The following C20orf96 variants were observed in gnomAD, a reference collection of about 807,000 sequenced individuals.
C20orf96 encodes the protein uncharacterized protein C20orf96.
Under a neutral mutation model 52.6 loss-of-function variants are expected in C20orf96, and 57 were observed. That is an observed-to-expected ratio of 1.08 (90% CI 0.88 to 1.35). The LOEUF (loss-of-function observed/expected upper bound fraction) is 1.35. Ranked by LOEUF, C20orf96 falls within the 40% of genes most tolerant of loss-of-function variation. The pLI is 0.00. For synonymous variants in C20orf96, 168 were observed against 157.2 expected (o/e 1.07, Z -0.51); for missense variants, 478 against 443.6 (o/e 1.08, Z -0.70).
intron 3 of C20orf96, among the ~76,000 whole-genome samples, chr20:285,109 T>C (rs1255153317): frequency 6.6e-6 from 1 of 152,196 alleles, no homozygotes; most frequent in African/African-American, 2.4e-5. Flanking sequence ...CTCTTACTTC[T>C]AGTGACCTGA....
chr20:278,287 G>A (rs6046494), intron 6 of C20orf96, 43 bp downstream of exon 6: 3 of 1,448,988 alleles, frequency 2.1e-6, no homozygotes, highest in African/African-American at 1.4e-5. Context: ...ACCTCCCCAA[G>A]GTGCCAGGGG....
At chr20:273,020 G>C (rs1690993931) in intron 10 of C20orf96, among the ~76,000 whole-genome samples, 1 of 152,156 alleles carries the variant, frequency 6.6e-6, no homozygotes, top group Admixed American at 6.5e-5. Flanking sequence ...TATTAAGCAG[G>C]CTGGAAGGCA....
chr20:285,736 C>T (rs1341599540), intron 3 of C20orf96, among the ~76,000 whole-genome samples: 1 of 152,154 alleles, frequency 6.6e-6, no homozygotes, highest in East Asian at 1.9e-4. Flanking sequence ...TGCCCGCCAC[C>T]ACACCCAGCT....
Position 277,392 on chromosome 20 carries a change from G to T in C20orf96, c.566-9C>A. On this transcript the variant is annotated splice_polypyrimidine_tract_variant and intron_variant, in intron 6 of 10. Transcript: ENST00000360321. ...TGCCTGCTGCTCAAGATCTGGGGAG[G>T]GGTTAGGGAGGTCAGCAGGGACAGG... is the stretch of plus-strand genomic sequence containing the variant. 1 of 1,613,146 alleles carries T rather than the reference G, an allele frequency of 6.2e-7. No homozygotes were observed. Among genetic ancestry groups the T allele is most frequent in the Non-Finnish European group, 8.5e-7 (1 of 1,179,964 alleles).
At chr20:284,246 C>T (rs2012326405) in intron 3 of C20orf96, among the ~76,000 whole-genome samples, 165 bp from the exon 4 acceptor site, 2 of 152,306 alleles carry the variant, frequency 1.3e-5, no homozygotes, top group South Asian at 4.2e-4. Flanking sequence ...ACACCCTTCA[C>T]TAAGCTCCCA....
chr20:289,779 G>A, intron 2 of C20orf96, 103 bp from the exon 3 acceptor site: 4 of 868,194 alleles, frequency 4.6e-6, no homozygotes, highest in Admixed American at 1.9e-5. Context: ...CCTCTCCTGA[G>A]CCTCAATCTT....
chr20:274,196 T>C (rs997600761), intron 10 of C20orf96, among the ~76,000 whole-genome samples: 1 of 152,068 alleles, frequency 6.6e-6, no homozygotes, highest in South Asian at 2.1e-4. Flanking sequence ...TTTCTACTTT[T>C]TAGGAGGGAA....
chr20:279,661 A>C (rs767518380), intron 4 of C20orf96, among the ~76,000 whole-genome samples: 9 of 152,180 alleles, frequency 5.9e-5, no homozygotes, highest in Non-Finnish European at 1.0e-4. Context: ...GGCTTCTCAG[A>C]ATCAATGAAA....
At chr20:278,588 G>GT (rs1235477736) in intron 5 of C20orf96, among the ~76,000 whole-genome samples, 159 bp from the exon 6 acceptor site, 2 of 151,990 alleles carry the variant, frequency 1.3e-5, no homozygotes, top group African/African-American at 2.4e-5. Flanking sequence ...TAGGGTTGTT[G>GT]TAAGGACTAT....
chr20:276,867 G>C lies in C20orf96; in HGVS notation c.838C>G (p.Pro280Ala). The change falls in exon 9 of 11, where the codon CCC becomes GCC. Residue 280 changes from proline (P) to alanine (A), a missense_variant. Pro to Ala is a conservative substitution (Grantham distance 27, BLOSUM62 -1). Coordinates refer to ENST00000360321, the MANE Select transcript of C20orf96 (RefSeq NM_153269.3). ...TTCTGTAGGAGAGCCTCTTCATAGG[G>C]ACGCTGGGTTTCCTGTGGAGGAAGA... ...LSSVVAETQRPYEEALLQKMW... is the reference protein window; with the variant it reads ...LSSVVAETQRAYEEALLQKMW... The C allele has an allele frequency of 2.5e-6, 4 of 1,614,014 alleles. No homozygotes were observed. The highest frequency in any genetic ancestry group is 3.4e-6 in the Non-Finnish European group (4 of 1,179,952).
intron 3 of C20orf96, among the ~76,000 whole-genome samples, chr20:287,720 C>G (rs936769842): frequency 4.0e-5 from 6 of 151,864 alleles, no homozygotes; most frequent in Non-Finnish European, 1.5e-5. Context: ...CTTGAGGTCA[C>G]AAGTTCGAGA....
chr20:290,406 G>T (rs888946289), intron 1 of C20orf96, 99 bp from the exon 2 acceptor site: 1 of 1,561,998 alleles, frequency 6.4e-7, no homozygotes, highest in South Asian at 1.2e-5. Context: ...ACCAGAAACT[G>T]CAGTTTACCG....
intron 3 of C20orf96, among the ~76,000 whole-genome samples, chr20:284,492 T>G (rs1407560467): frequency 6.6e-6 from 1 of 152,172 alleles, no homozygotes; most frequent in Non-Finnish European, 1.5e-5. Flanking sequence ...CCCACCAACC[T>G]GGCTGGCAGA....
At chr20:276,701 G>C in intron 9 of C20orf96, 92 bp downstream of exon 9, 1 of 1,542,722 alleles carries the variant, frequency 6.5e-7, no homozygotes, top group Non-Finnish European at 8.8e-7. Flanking sequence ...CTGAGCGCCA[G>C]ATCAGGAGAA....
chr20:290,115 C>T, intron 2 of C20orf96, 144 bp downstream of exon 2: 1 of 639,656 alleles, frequency 1.6e-6, no homozygotes, highest in Admixed American at 3.0e-5. Flanking sequence ...GCTCTGGGTC[C>T]CACAGCAAAG....
At position 289,658 on chromosome 20, in the gene C20orf96, G is replaced by A. The variant is rs2012486390; in HGVS notation, c.88C>T (p.Gln30Ter). ...GATGGCTTGGTTTCCTGCTTGGACT[G>A]CTGCCATGGAACATAATCCTACAAA... is the stretch of plus-strand genomic sequence containing the variant. ...FQVPDYVPWQ[Q>*]SKQETKPSTL... The change falls in exon 3 of 11, where the codon CAG becomes TAG. Residue 30 changes from glutamine to a stop codon, truncating the protein, a stop_gained. Coordinates refer to ENST00000360321, the MANE Select transcript of C20orf96 (RefSeq NM_153269.3). LOFTEE classifies it high-confidence loss of function. The A allele has an allele frequency of 3.1e-6, 5 of 1,613,396 alleles. No homozygotes were observed. Among genetic ancestry groups the A allele is most frequent in the African/African-American group, 2.7e-5 (2 of 74,884 alleles).
At chr20:287,908 CAAAA>C (rs71327437) in intron 3 of C20orf96, among the ~76,000 whole-genome samples, 7 of 63,086 alleles carry the variant, frequency 1.1e-4, no homozygotes, top group African/African-American at 3.4e-4. Context: ...GACTCCTTCT[CAAAA>C]AAAAAAAAAA....
intron 10 of C20orf96, among the ~76,000 whole-genome samples, chr20:275,357 A>G (rs2011983699): frequency 6.7e-6 from 1 of 150,262 alleles, no homozygotes. Context: ...AAAGGAAGAA[A>G]TGGCGATAGG....
intron 4 of C20orf96, among the ~76,000 whole-genome samples, chr20:280,883 G>A (rs147393080): frequency 8.5e-5 from 13 of 152,212 alleles, no homozygotes; most frequent in East Asian, 1.9e-4. Context: ...GGACAGGTGC[G>A]GTGACTCACG....
Sources: gnomAD v4.1 joint callset for allele counts (sites outside exome capture counted in the v4.1 genomes callset) on GRCh38, gnomAD v4.1.1 for gene constraint, MANE v1.5 for transcripts, NCBI Gene and HGNC (gene_info 2026-07-23, HGNC 2026-07-21) for gene names.